RBFOX1: variants seen among roughly 807,000 people sequenced by gnomAD.
RBFOX1 encodes the protein RNA binding protein fox-1 homolog 1.
RBFOX1 carries 8 observed loss-of-function variants against 57.7 expected under a neutral mutation model. The ratio of observed to expected loss-of-function variants is 0.14; its 90% CI spans 0.08 to 0.25. The LOEUF (loss-of-function observed/expected upper bound fraction) is 0.25, where lower values mean the gene tolerates loss of function less well. RBFOX1 is among the 10% of genes least tolerant of loss of function. RBFOX1 has a pLI of 1.00. For missense variants in RBFOX1, 611 were observed against 548.5 expected (o/e 1.11, Z -1.14); for synonymous variants, 326 against 222.4 (o/e 1.47, Z -4.15).
At chr16:7,525,413 A>G (rs2078473180) in intron 5 of RBFOX1, among the ~76,000 whole-genome samples, 1 of 152,178 alleles carries the variant, frequency 6.6e-6, no homozygotes, top group African/African-American at 2.4e-5. Flanking sequence ...AGAGCTAGGT[A>G]CAAAGATTGC....
At chr16:7,680,029 G>A (rs567189638) in intron 14 of RBFOX1, among the ~76,000 whole-genome samples, 7 of 152,258 alleles carry the variant, frequency 4.6e-5, no homozygotes, top group South Asian at 2.1e-4. Context: ...AAAGGAGAGC[G>A]TTTCCTGAGC....
At chr16:7,687,135 T>A (rs2076237920) in intron 14 of RBFOX1, among the ~76,000 whole-genome samples, 1 of 152,090 alleles carries the variant, frequency 6.6e-6, no homozygotes. Flanking sequence ...TTTGGTTACT[T>A]GTCTGTGTAT....
chr16:7,310,241 A>C (rs2096278202), intron 4 of RBFOX1, among the ~76,000 whole-genome samples: 1 of 152,182 alleles, frequency 6.6e-6, no homozygotes, highest in Admixed American at 6.5e-5. Flanking sequence ...AAGGATCCTG[A>C]AATGCAGTTC....
At chr16:5,954,086 AG>A (rs1222968512) in intron 4 of RBFOX1, among the ~76,000 whole-genome samples, 1 of 152,204 alleles carries the variant, frequency 6.6e-6, no homozygotes, top group Non-Finnish European at 1.5e-5. Context: ...TGCACAGGAC[AG>A]CCCCCTGCCA....
chr16:5,911,290 C>T (rs1357719766), intron 4 of RBFOX1, among the ~76,000 whole-genome samples: 6 of 152,152 alleles, frequency 3.9e-5, no homozygotes, highest in Non-Finnish European at 7.4e-5. Flanking sequence ...GTTTTGACTC[C>T]ACACTTATTA....
At chr16:6,266,286 C>T (rs2074478130) in intron 1 of RBFOX1, among the ~76,000 whole-genome samples, 1 of 152,154 alleles carries the variant, frequency 6.6e-6, no homozygotes, top group African/African-American at 2.4e-5. Context: ...TGCAAGCTAC[C>T]AAAAGTCTGA....
At chr16:5,533,346 G>A (rs942917815) in intron 2 of RBFOX1, among the ~76,000 whole-genome samples, 2 of 152,156 alleles carry the variant, frequency 1.3e-5, no homozygotes, top group Non-Finnish European at 2.9e-5. Flanking sequence ...CAAAAGGAAA[G>A]GTGCCCCCAA....
chr16:5,790,446 C>G (rs551534114), intron 3 of RBFOX1, among the ~76,000 whole-genome samples: 109 of 148,156 alleles, frequency 7.4e-4, no homozygotes, highest in African/African-American at 2.7e-3. Context: ...GAAACAGGAG[C>G]TCAAAGGAAG....
At chr16:6,001,495 G>T (rs2060599348) in intron 4 of RBFOX1, among the ~76,000 whole-genome samples, 1 of 152,162 alleles carries the variant, frequency 6.6e-6, no homozygotes, top group African/African-American at 2.4e-5. Context: ...GCAGAATTGG[G>T]AGGTTGAACC....
chr16:7,387,472 A>T (rs770336247), intron 4 of RBFOX1, among the ~76,000 whole-genome samples: 29 of 152,210 alleles, frequency 1.9e-4, no homozygotes, highest in Non-Finnish European at 3.1e-4. Context: ...TAGATGTACA[A>T]TAGCTGTCAG....
intron 3 of RBFOX1, among the ~76,000 whole-genome samples, chr16:6,809,510 C>T (rs548610031): frequency 3.3e-5 from 5 of 152,220 alleles, no homozygotes; most frequent in Admixed American, 3.3e-4. Context: ...CTGTCATTCA[C>T]CCCAGGAGGC....
chr16:6,165,916 A>C (rs1454611717), intron 1 of RBFOX1, among the ~76,000 whole-genome samples: 1 of 152,180 alleles, frequency 6.6e-6, no homozygotes, highest in Non-Finnish European at 1.5e-5. Context: ...CGTCAAACTT[A>C]GGTACTGGAA....
At position 7,014,108 on chromosome 16, in the gene RBFOX1, G is replaced by C. The variant is rs559383577; in HGVS notation, c.-15-37949G>C. ...TGTCATTGGAATGGCCGATTTATTGGGACAGGCAATTGTGTATGCAGAATA... is the reference window on the plus strand; with the variant it reads ...TGTCATTGGAATGGCCGATTTATTGCGACAGGCAATTGTGTATGCAGAATA... On this transcript the variant is annotated intron_variant, in intron 3 of 15. Transcript: ENST00000550418. 1.5e-3 allele frequency among the ~76,000 whole-genome samples: 234 copies of C among 152,240 alleles called. 1 individual carries two copies. Among genetic ancestry groups the C allele is most frequent in the African/African-American group, 5.4e-3 (226 of 41,548 alleles).
At chr16:7,604,895 A>C (rs1266912820) in intron 9 of RBFOX1, among the ~76,000 whole-genome samples, 1 of 152,216 alleles carries the variant, frequency 6.6e-6, no homozygotes, top group African/African-American at 2.4e-5. Context: ...AGTATGGGAA[A>C]GACACCATCT....
At chr16:7,105,455 T>C (rs999558336) in intron 4 of RBFOX1, among the ~76,000 whole-genome samples, 20 of 152,126 alleles carry the variant, frequency 1.3e-4, no homozygotes, top group African/African-American at 4.3e-4. Flanking sequence ...GCACCCAATT[T>C]GTAGTCTTTT....
Position 6,019,586 on chromosome 16 carries a change from G to C in RBFOX1, c.-533G>C. On this transcript the variant is annotated 5_prime_UTR_variant, in exon 1 of 16. Transcript: ENST00000550418. The surrounding 1 kb of genome is among the most constrained non-coding windows in gnomAD (Gnocchi z 4.2). ...TGGCTGGACCCACGCGCGCGCCTCC[G>C]GGGCTGAAGAAGGAAGGAGTGAGCC... 8.4e-7 allele frequency: 1 copy of C among 1,190,064 alleles called. No homozygotes were observed. Among genetic ancestry groups the C allele is most frequent in the Non-Finnish European group, 1.0e-6 (1 of 960,748 alleles). 73.7% of individuals were successfully genotyped at this position (1,190,064 alleles called of 1,614,324 possible).
intron 1 of RBFOX1, among the ~76,000 whole-genome samples, chr16:6,265,557 C>T (rs957343454): frequency 5.9e-5 from 9 of 152,096 alleles, no homozygotes; most frequent in African/African-American, 1.4e-4. Context: ...CCACTGTGCC[C>T]GGCCAGTTTG....
At chr16:7,080,765 A>G (rs1407962066) in intron 4 of RBFOX1, among the ~76,000 whole-genome samples, 1 of 152,140 alleles carries the variant, frequency 6.6e-6, no homozygotes, top group African/African-American at 2.4e-5. Flanking sequence ...TCCTCTTGCA[A>G]GGTATCATCA....
chr16:5,861,799 C>G (rs2057223052), intron 3 of RBFOX1, among the ~76,000 whole-genome samples: 1 of 152,180 alleles, frequency 6.6e-6, no homozygotes, highest in African/African-American at 2.4e-5. Context: ...TGCCCTTTCT[C>G]TTGAACCCAT....
Sources: allele counts gnomAD v4.1 joint callset (sites outside exome capture counted in the v4.1 genomes callset), GRCh38; gene constraint gnomAD v4.1.1; non-coding constraint Gnocchi (gnomAD v3.1); transcripts MANE v1.5; gene names NCBI Gene and HGNC (gene_info 2026-07-23, HGNC 2026-07-21).